ADAMTS19: variants seen among roughly 807,000 people sequenced by gnomAD.
ADAMTS19 encodes the protein A disintegrin and metalloproteinase with thrombospondin motifs 19.
Under a neutral mutation model 153.3 loss-of-function variants are expected in ADAMTS19, and 93 were observed. That is an observed-to-expected ratio of 0.61 (90% confidence interval 0.51 to 0.72). The LOEUF (loss-of-function observed/expected upper bound fraction) is 0.72, where lower values mean the gene tolerates loss of function less well. Among genes scored for constraint, ADAMTS19 ranks in the 30% least tolerant of loss-of-function variants. The pLI is 0.00. For synonymous variants in ADAMTS19, 600 were observed against 556.6 expected (o/e 1.08, Z -1.10); for missense variants, 1,482 against 1,552.1 (o/e 0.95, Z 0.76).
At chr5:129,481,257 G>C (rs1483671048) in intron 2 of ADAMTS19, among the ~76,000 whole-genome samples, 3 of 152,204 alleles carry the variant, frequency 2.0e-5, no homozygotes, top group Non-Finnish European at 2.9e-5. Flanking sequence ...GAGACAGAGA[G>C]TGCGAGAGTG....
Position 129,596,580 on chromosome 5 carries a change from T to C in ADAMTS19, c.1394T>C (p.Met465Thr). The C allele has an allele frequency of 6.2e-7, 1 of 1,606,322 alleles. No homozygotes were observed. The highest frequency in any genetic ancestry group is 8.5e-7 in the Non-Finnish European group (1 of 1,176,614). Residue 465 changes from methionine (M) to threonine (T), a missense_variant, in exon 8 of 23, where the codon ATG becomes ACG. Transcript: ENST00000274487. Reference protein sequence around the residue: ...DTVGIAYLSGMCSEKRKCIIA... With the variant: ...DTVGIAYLSGTCSEKRKCIIA... ...TTAGGTATAGCTTACTTGAGTGGAA[T>C]GTGTAGTGAAAAGAGAAAATGTATT...
At chr5:129,561,819 A>ATTATCTATCTAT (rs138761227) in intron 7 of ADAMTS19, among the ~76,000 whole-genome samples, 1 of 148,060 alleles carries the variant, frequency 6.8e-6, no homozygotes, top group Admixed American at 6.8e-5. Flanking sequence ...ATTTCACCCT[A>ATTATCTATCTAT]CTATCTATCT....
chr5:129,655,624 G>A (rs868027201), intron 14 of ADAMTS19, among the ~76,000 whole-genome samples: 54 of 152,010 alleles, frequency 3.6e-4, no homozygotes, highest in African/African-American at 1.2e-3. Context: ...TCGTAAAAAT[G>A]CACAACTGAA....
chr5:129,648,998 T>C, intron 13 of ADAMTS19, 28 bp downstream of exon 13: 1 of 1,530,728 alleles, frequency 6.5e-7, no homozygotes, highest in Non-Finnish European at 8.9e-7. Flanking sequence ...ACCACCATCT[T>C]TGTTAACTAG....
At chr5:129,522,409 G>A (rs1027768116) in intron 3 of ADAMTS19, among the ~76,000 whole-genome samples, 1 of 127,532 alleles carries the variant, frequency 7.8e-6, no homozygotes, top group African/African-American at 3.0e-5. Flanking sequence ...ACTGAATCTG[G>A]ATCCATAAAG....
intron 6 of ADAMTS19, among the ~76,000 whole-genome samples, chr5:129,549,083 G>T (rs1752970275): frequency 6.8e-6 from 1 of 147,442 alleles, no homozygotes; most frequent in Non-Finnish European, 1.5e-5. Flanking sequence ...GCTAAATGAC[G>T]AGTTAATGGG....
intron 21 of ADAMTS19, among the ~76,000 whole-genome samples, chr5:129,717,440 G>T (rs1226151003): frequency 6.6e-6 from 1 of 152,050 alleles, no homozygotes; most frequent in Non-Finnish European, 1.5e-5. Context: ...TATTTTCCAT[G>T]AAAGTTAATC....
rs929561637 is a variant in ADAMTS19, at chr5:129,558,065, A to C, written c.1372+6158A>C. On this transcript the variant is annotated intron_variant, in intron 7 of 22. Coordinates refer to ENST00000274487, the MANE Select transcript of ADAMTS19 (RefSeq NM_133638.6). ...GATTCAAAACACATTCATGATAAAA[A>C]CTCTTGGCAAAGTAGGAACTTTATT... Among the ~76,000 whole-genome samples, 4 of 85,388 alleles carry C rather than the reference A, an allele frequency of 4.7e-5. No individual in the cohort carries two copies. In the Admixed American group the frequency reaches 4.8e-4, roughly 10 times the overall value. The allele number at this position is 85,388 out of a possible 152,430, so 56.0% of individuals were successfully genotyped here. A position where few individuals can be genotyped will look rare whatever the true frequency, so the allele number is the denominator to read the frequency against.
intron 21 of ADAMTS19, among the ~76,000 whole-genome samples, chr5:129,717,472 C>T (rs1009480403): frequency 6.6e-6 from 1 of 152,134 alleles, no homozygotes; most frequent in Admixed American, 6.5e-5. Context: ...CGTAGTCATA[C>T]AACTCTCTTC....
At chr5:129,537,568 C>T (rs1240058201) in intron 6 of ADAMTS19, among the ~76,000 whole-genome samples, 4 of 151,438 alleles carry the variant, frequency 2.6e-5, no homozygotes, top group Admixed American at 2.0e-4. Context: ...AAATGTGGCA[C>T]ATCTACACCA....
intron 21 of ADAMTS19, among the ~76,000 whole-genome samples, chr5:129,732,811 A>G (rs1160962648): frequency 6.6e-6 from 1 of 152,060 alleles, no homozygotes; most frequent in African/African-American, 2.4e-5. Context: ...TAGGGAAAAA[A>G]AATCCTGAAA....
At chr5:129,485,277 G>A (rs754401647) in intron 2 of ADAMTS19, among the ~76,000 whole-genome samples, 3 of 151,998 alleles carry the variant, frequency 2.0e-5, no homozygotes, top group Non-Finnish European at 4.4e-5. Flanking sequence ...AATCCCAAAA[G>A]AACTTATAAA....
intron 21 of ADAMTS19, among the ~76,000 whole-genome samples, chr5:129,733,596 C>T (rs914049440): frequency 6.6e-6 from 1 of 151,880 alleles, no homozygotes. Context: ...AAATTAAAAC[C>T]AAAATGAGAT....
intron 6 of ADAMTS19, among the ~76,000 whole-genome samples, chr5:129,547,311 G>C (rs1347659823): frequency 6.6e-6 from 1 of 150,790 alleles, no homozygotes; most frequent in African/African-American, 2.5e-5. Flanking sequence ...TTCTCATCTA[G>C]AGCTTTCAGA....
chr5:129,570,505 G>A (rs1433840629), intron 7 of ADAMTS19, among the ~76,000 whole-genome samples: 1 of 151,658 alleles, frequency 6.6e-6, no homozygotes, highest in Non-Finnish European at 1.5e-5. Flanking sequence ...TTAAGTTAAA[G>A]AAGTTTCATT....
intron 11 of ADAMTS19, among the ~76,000 whole-genome samples, chr5:129,645,914 A>G (rs1356401929): frequency 1.4e-5 from 1 of 68,976 alleles, no homozygotes; most frequent in African/African-American, 6.1e-5. Context: ...TTTGAGACGG[A>G]GTCTCGCTCT....
chr5:129,489,502 G>A lies in ADAMTS19; in HGVS notation c.748-19575G>A, dbSNP rs908584684. 1.2e-4 allele frequency among the ~76,000 whole-genome samples: 18 copies of A among 151,920 alleles called. 1 individual carries two copies. Reference sequence around the variant, plus strand: ...TTGATATATGAATATTTGACCTACAGTAAAACAAAATTTGTATGCTACAAC... The same window carrying A: ...TTGATATATGAATATTTGACCTACAATAAAACAAAATTTGTATGCTACAAC... On this transcript the variant is annotated intron_variant, in intron 2 of 22. Transcript: ENST00000274487.
chr5:129,732,385 T>C (rs1435903494), intron 21 of ADAMTS19, among the ~76,000 whole-genome samples: 4 of 152,124 alleles, frequency 2.6e-5, no homozygotes, highest in Non-Finnish European at 5.9e-5. Context: ...AGTCAAATTA[T>C]CTGTGTTTGC....
At chr5:129,622,079 A>G (rs759208264) in intron 9 of ADAMTS19, 119 bp from the exon 10 acceptor site, 37 of 928,040 alleles carry the variant, frequency 4.0e-5, no homozygotes, top group Non-Finnish European at 5.3e-5. Context: ...TGAGTATTCA[A>G]TGGAAGAGCT....
Sources: allele counts gnomAD v4.1 joint callset (sites outside exome capture counted in the v4.1 genomes callset), GRCh38; gene constraint gnomAD v4.1.1; transcripts MANE v1.5; gene names NCBI Gene and HGNC (gene_info 2026-07-23, HGNC 2026-07-21).